THRAP3: variants seen among roughly 807,000 people sequenced by gnomAD.
THRAP3 encodes the protein thyroid hormone receptor-associated protein 3.
THRAP3 carries 16 observed loss-of-function variants against 101.0 expected under a neutral mutation model. That is an observed-to-expected ratio of 0.16 (90% confidence interval 0.11 to 0.24). THRAP3 has a LOEUF of 0.24. THRAP3 is among the 10% of genes least tolerant of loss of function. THRAP3 has a pLI of 1.00. For synonymous variants in THRAP3, 407 were observed against 422.6 expected, an observed-to-expected ratio of 0.96 and a Z score of 0.45; for missense variants, 989 against 1,202.7, an observed-to-expected ratio of 0.82 and a Z score of 2.63.
chr1:36,302,433 T>C (rs919974096), intron 11 of THRAP3, among the ~76,000 whole-genome samples: 3 of 152,258 alleles, frequency 2.0e-5, no homozygotes, highest in African/African-American at 4.8e-5. Flanking sequence ...TTGCTGCTGC[T>C]GGAAGCTGCT....
intron 7 of THRAP3, among the ~76,000 whole-genome samples, chr1:36,293,447 A>G (rs1254127384): frequency 6.6e-6 from 1 of 152,224 alleles, no homozygotes; most frequent in African/African-American, 2.4e-5. Flanking sequence ...TTGTAGGATT[A>G]TCTCACAGAA....
At position 36,287,174 on chromosome 1, in the gene THRAP3, G is replaced by A; in HGVS notation, c.944G>A (p.Ser315Asn). 1 of 1,614,196 alleles carries A rather than the reference G, an allele frequency of 6.2e-7. No homozygotes were observed. Among genetic ancestry groups the A allele is most frequent in the Non-Finnish European group, 8.5e-7 (1 of 1,180,042 alleles). The part of the protein sequence containing the change: ...GSGSLSPSKK[S>N]PVGKSPPSTG... ...GGGTCCCTGAGTCCATCCAAAAAGA[G>A]CCCTGTGGGTAAGAGTCCACCATCC... Residue 315 changes from serine to asparagine, a missense_variant, in exon 4 of 12, where the codon AGC becomes AAC. Transcript: ENST00000354618.
At chr1:36,224,029 G>C (rs928215210), upstream of THRAP3, among the ~76,000 whole-genome samples, 6 of 152,314 alleles carry the variant, frequency 3.9e-5, no homozygotes, top group South Asian at 8.3e-4. Flanking sequence ...GCGGAAGGGA[G>C]CGCAGCAGAG....
intron 2 of THRAP3, among the ~76,000 whole-genome samples, chr1:36,273,084 A>G (rs1645611840): frequency 6.6e-6 from 1 of 152,248 alleles, no homozygotes; most frequent in Non-Finnish European, 1.5e-5. Flanking sequence ...AGCACTGAAG[A>G]TGAAATGGAG....
chr1:36,231,544 T>A (rs1039861151), intron 1 of THRAP3, among the ~76,000 whole-genome samples: 4 of 152,254 alleles, frequency 2.6e-5, no homozygotes, highest in Non-Finnish European at 5.9e-5. Flanking sequence ...TATTGTTTTT[T>A]AAAATAATAT....
intron 2 of THRAP3, among the ~76,000 whole-genome samples, chr1:36,270,164 G>T (rs1267251215): frequency 6.6e-6 from 1 of 152,186 alleles, no homozygotes; most frequent in Admixed American, 6.5e-5. Context: ...TGAGGAGGGA[G>T]GACTCCTTGA....
chr1:36,209,500 G>C, the THRAP3 span, among the ~76,000 whole-genome samples: 1 of 152,178 alleles, frequency 6.6e-6, no homozygotes, highest in African/African-American at 2.4e-5. Context: ...AACCACAAAT[G>C]TCTCCAGACA....
chr1:36,258,479 A>AT lies in THRAP3; in HGVS notation c.-134-892dup, dbSNP rs921349218. On this transcript the variant is annotated intron_variant, in intron 1 of 11. Coordinates refer to ENST00000354618, the MANE Select transcript of THRAP3 (RefSeq NM_005119.4). ...ATAAAACAGTATTATCCTGTTAGTA[A>AT]TTTTTTTTTTTCTTGAGGCGAAGTC... Among the ~76,000 whole-genome samples the AT allele has an allele frequency of 1.6e-4, 24 of 148,642 alleles. No homozygotes were observed. In the East Asian group the frequency reaches 2.2e-3, roughly 13 times the overall value.
At chr1:36,303,141 T>G (rs1333256758) in intron 11 of THRAP3, among the ~76,000 whole-genome samples, 1 of 151,190 alleles carries the variant, frequency 6.6e-6, no homozygotes, top group Non-Finnish European at 1.5e-5. Flanking sequence ...TTTTTGTATT[T>G]TAGTAGAGAC....
upstream of THRAP3, among the ~76,000 whole-genome samples, chr1:36,221,136 T>G (rs955693678): frequency 2.1e-5 from 3 of 144,100 alleles, 1 homozygote; most frequent in South Asian, 6.6e-4. Flanking sequence ...AGTGTGCACA[T>G]ATTGTGGGCC....
chr1:36,226,908 A>G (rs1457694121), intron 1 of THRAP3, among the ~76,000 whole-genome samples: 2 of 152,174 alleles, frequency 1.3e-5, no homozygotes, highest in African/African-American at 2.4e-5. Flanking sequence ...ACAAAAGGTA[A>G]GCAAATAAAC....
chr1:36,243,868 T>TG (rs1308847379), intron 1 of THRAP3, among the ~76,000 whole-genome samples: 1 of 104,706 alleles, frequency 9.6e-6, no homozygotes. Flanking sequence ...GCTGGCCGGG[T>TG]GGGGGGCTGA....
chr1:36,276,093 T>C (rs1645656063), intron 2 of THRAP3, among the ~76,000 whole-genome samples: 1 of 151,848 alleles, frequency 6.6e-6, no homozygotes, highest in East Asian at 1.9e-4. Flanking sequence ...TACATAGTGC[T>C]AAAACTAGAA....
intron 1 of THRAP3, among the ~76,000 whole-genome samples, chr1:36,258,695 G>T (rs1258124310): frequency 6.6e-6 from 1 of 152,162 alleles, no homozygotes; most frequent in African/African-American, 2.4e-5. Context: ...TAGCCAGGAT[G>T]ATCTCGATCT....
the THRAP3 span, among the ~76,000 whole-genome samples, chr1:36,215,037 C>T: frequency 6.7e-6 from 1 of 150,266 alleles, no homozygotes; most frequent in Non-Finnish European, 1.5e-5. Context: ...CTGGCTAACA[C>T]GATGAAACCC....
At position 36,256,188 on chromosome 1, in the gene THRAP3, G is replaced by GATTACT. The variant is rs1645371840; in HGVS notation, c.-134-3190_-134-3189insCTATTA. Among the ~76,000 whole-genome samples the GATTACT allele has an allele frequency of 5.1e-5, 7 of 136,000 alleles. No individual in the cohort carries two copies. In the South Asian group the frequency reaches 1.7e-3, roughly 34 times the overall value. The allele number at this position is 136,000 out of a possible 152,430, so 89.2% of individuals were successfully genotyped here. A position where few individuals can be genotyped will look rare whatever the true frequency, so the allele number is the denominator to read the frequency against. On this transcript the variant is annotated intron_variant, in intron 1 of 11. Coordinates refer to ENST00000354618, the MANE Select transcript of THRAP3 (RefSeq NM_005119.4). Reference sequence around the variant, plus strand: ...TAAGCCACCACACCTGGCCTGCCTGGATTATTATTATTATTATTATTGTTA... The same window carrying GATTACT: ...TAAGCCACCACACCTGGCCTGCCTGGATTACTATTATTATTATTATTATTATTGTTA...
chr1:36,304,272 C>A lies in THRAP3; in HGVS notation c.*255C>A. 35 of 339,558 alleles carry A rather than the reference C, an allele frequency of 1.0e-4. No individual in the cohort carries two copies. Among genetic ancestry groups the A allele is most frequent in the Middle Eastern group, 1.7e-3 (2 of 1,184 alleles). 21.0% of individuals were successfully genotyped at this position (339,558 alleles called of 1,614,324 possible). ...CGCATTGGGCTTTAGCTGTTTTTCT[C>A]ATTTGTTGGTGTGTGGGGTGGGGGC... On this transcript the variant is annotated 3_prime_UTR_variant, in exon 12 of 12. Transcript: ENST00000354618.
the THRAP3 span, among the ~76,000 whole-genome samples, chr1:36,215,419 T>A: frequency 6.6e-6 from 1 of 152,154 alleles, no homozygotes; most frequent in Non-Finnish European, 1.5e-5. Flanking sequence ...CCACGTTCCT[T>A]CAGGCCACAG....
At chr1:36,271,506 C>T (rs1400542542) in intron 2 of THRAP3, among the ~76,000 whole-genome samples, 1 of 151,856 alleles carries the variant, frequency 6.6e-6, no homozygotes, top group Non-Finnish European at 1.5e-5. Flanking sequence ...TAGTCTCGAA[C>T]TCCTGACCTC....
Sources: allele counts gnomAD v4.1 joint callset (sites outside exome capture counted in the v4.1 genomes callset), GRCh38; gene constraint gnomAD v4.1.1; transcripts MANE v1.5; gene names NCBI Gene and HGNC (gene_info 2026-07-23, HGNC 2026-07-21).